OR2L2: variants seen among roughly 807,000 people sequenced by gnomAD.
OR2L2 encodes the protein olfactory receptor family 2 subfamily L member 2, also known as olfactory receptor 2L2.
For synonymous variants in OR2L2, 156 were observed against 135.4 expected (o/e 1.15, Z -1.06); for missense variants, 378 against 375.2 (o/e 1.01, Z -0.06).
intron 1 of OR2L2, among the ~76,000 whole-genome samples, chr1:248,034,318 A>G (rs1662697435): frequency 6.6e-6 from 1 of 152,246 alleles, no homozygotes; most frequent in African/African-American, 2.4e-5. Flanking sequence ...ATATGGAACC[A>G]AAAAGAGTCT....
intron 1 of OR2L2, among the ~76,000 whole-genome samples, chr1:248,031,852 A>G (rs993150993): frequency 6.6e-6 from 1 of 152,156 alleles, no homozygotes; most frequent in Non-Finnish European, 1.5e-5. Flanking sequence ...TAGGGTACTC[A>G]GTTATAATAT....
chr1:248,036,810 G>A (rs1662775285), intron 2 of OR2L2, among the ~76,000 whole-genome samples: 2 of 152,100 alleles, frequency 1.3e-5, no homozygotes. Context: ...TTTTGAAGAT[G>A]TAAAGTGATT....
chr1:248,038,703 G>C lies in OR2L2; in HGVS notation c.436G>C (p.Gly146Arg). 1.2e-6 allele frequency: 2 copies of C among 1,614,034 alleles called. No homozygotes were observed. The highest frequency in any genetic ancestry group is 1.7e-6 in the Non-Finnish European group (2 of 1,179,982). The stretch of plus-strand genomic sequence containing the variant: ...AAGAGTGTGTGTGATGATGATAACA[G>C]GATCTTGGATGATAAGCTCTATCAA... ...SKRVCVMMIT[G>R]SWMISSINSC... The change falls in exon 3 of 3, where the codon GGA (glycine) becomes CGA (arginine). Residue 146 changes from glycine to arginine, a missense_variant. Coordinates refer to ENST00000641771, the MANE Select transcript of OR2L2 (RefSeq NM_001385855.1).
At position 248,039,362 on chromosome 1, in the gene OR2L2, A is replaced by C. The variant is rs1159327292; in HGVS notation, c.*156A>C. 2 of 552,836 alleles carry C rather than the reference A, an allele frequency of 3.6e-6. No homozygotes were observed. Among genetic ancestry groups the C allele is most frequent in the Non-Finnish European group, 6.3e-6 (2 of 317,296 alleles). The allele number at this position is 552,836 out of a possible 1,614,324, so 34.2% of individuals were successfully genotyped here. ...TTTAGTCTTGACAATATTATAATAC[A>C]TATTAATACATATTCTAAGACATCT... On this transcript the variant is annotated 3_prime_UTR_variant, in exon 3 of 3. Coordinates refer to ENST00000641771, the MANE Select transcript of OR2L2 (RefSeq NM_001385855.1).
At chr1:248,031,587 G>A (rs985852601) in intron 1 of OR2L2, among the ~76,000 whole-genome samples, 13 of 152,106 alleles carry the variant, frequency 8.5e-5, no homozygotes, top group African/African-American at 2.4e-4. Flanking sequence ...CTATCCAATG[G>A]TCTGGCTGGC....
intron 1 of OR2L2, among the ~76,000 whole-genome samples, chr1:248,032,658 T>C (rs935881100): frequency 2.6e-5 from 4 of 152,218 alleles, no homozygotes; most frequent in Admixed American, 6.5e-5. Flanking sequence ...TCAAGTTTCA[T>C]CTATGTTGTA....
chr1:248,035,221 T>C (rs1041164099), intron 1 of OR2L2, among the ~76,000 whole-genome samples: 6 of 151,970 alleles, frequency 3.9e-5, no homozygotes, highest in Non-Finnish European at 8.8e-5. Context: ...GAGGCCGAGA[T>C]GGGCGGATCA....
At chr1:248,035,396 C>T (rs991569020) in intron 1 of OR2L2, among the ~76,000 whole-genome samples, 154 bp from the exon 2 acceptor site, 1 of 151,916 alleles carries the variant, frequency 6.6e-6, no homozygotes, top group Non-Finnish European at 1.5e-5. Flanking sequence ...TTGCAGTGAG[C>T]CGAGATCGCG....
intron 1 of OR2L2, among the ~76,000 whole-genome samples, chr1:248,031,313 G>A (rs938552917): frequency 5.3e-5 from 8 of 152,106 alleles, no homozygotes; most frequent in Admixed American, 1.3e-4. Flanking sequence ...ATGCTACATT[G>A]GTGTTCATGA....
intron 2 of OR2L2, among the ~76,000 whole-genome samples, chr1:248,037,486 A>T (rs1464353143): frequency 6.6e-6 from 1 of 152,190 alleles, no homozygotes; most frequent in African/African-American, 2.4e-5. Flanking sequence ...GGCATCAAAC[A>T]TTCATATCTT....
intron 2 of OR2L2, among the ~76,000 whole-genome samples, chr1:248,037,402 T>C (rs532512598): frequency 6.6e-6 from 1 of 152,280 alleles, no homozygotes; most frequent in East Asian, 1.9e-4. Flanking sequence ...CCATAGCATA[T>C]GCATTTAATT....
In OR2L2 at chr1:248,030,790, A is replaced by G. The variant is rs1293994742; in HGVS notation, c.-97+555A>G. ...GAGCTTTTTATTAGGATTAAAACCA[A>G]TGGAATCACGGAACAATCCTGACAT... On this transcript the variant is annotated intron_variant, in intron 1 of 2. Transcript: ENST00000641771. Among the ~76,000 whole-genome samples, 5 of 152,292 alleles carry G rather than the reference A, an allele frequency of 3.3e-5. No homozygotes were observed. The East Asian group carries it at 7.7e-4, about 23-fold the overall frequency.
In OR2L2 at chr1:248,038,658, T is replaced by C; in HGVS notation, c.391T>C (p.Tyr131His). The change falls in exon 3 of 3, where the codon TAT (tyrosine) becomes CAT (histidine). Residue 131 changes from tyrosine (Y) to histidine (H), a missense_variant. Tyr to His is a moderately conservative substitution (Grantham distance 83). Coordinates refer to ENST00000641771, the MANE Select transcript of OR2L2 (RefSeq NM_001385855.1). ...TGTGGCCATTTGCTTTCCTCTCCACTATCCCATCCGTATAAGCAAAAGAGT... is the reference window on the plus strand; with the variant it reads ...TGTGGCCATTTGCTTTCCTCTCCACCATCCCATCCGTATAAGCAAAAGAGT... ...RYVAICFPLH[Y>H]PIRISKRVCV... is the part of the protein sequence containing the mutation. 1 of 1,614,196 alleles carries C rather than the reference T, an allele frequency of 6.2e-7. No individual in the cohort carries two copies. The highest frequency in any genetic ancestry group is 8.5e-7 in the Non-Finnish European group (1 of 1,180,016).
rs1005915977 is a variant in OR2L2 at position 248,041,277 on chromosome 1, A to C, written c.*2071A>C. The C allele has an allele frequency of 1.2e-4, 19 of 152,284 alleles. No individual in the cohort carries two copies. Among genetic ancestry groups the C allele is most frequent in the Non-Finnish European group, 2.4e-4 (16 of 68,016 alleles). The allele number at this position is 152,284 out of a possible 1,614,324, so 9.4% of individuals were successfully genotyped here. ...ATGGGGAAAGGATTCCCTATTTAAT[A>C]AATGGTGCTGGGAAAACTGGCTAGC... On this transcript the variant is annotated 3_prime_UTR_variant, in exon 3 of 3. Transcript: ENST00000641771.
At chr1:248,038,128 A>G in intron 2 of OR2L2, 119 bp from the exon 3 acceptor site, 1 of 583,462 alleles carries the variant, frequency 1.7e-6, no homozygotes, top group Non-Finnish European at 3.1e-6. Flanking sequence ...ATATAAAAAT[A>G]GTTTATATAG....
chr1:248,034,899 G>A (rs1281032868), intron 1 of OR2L2, among the ~76,000 whole-genome samples: 1 of 152,150 alleles, frequency 6.6e-6, no homozygotes, highest in Non-Finnish European at 1.5e-5. Flanking sequence ...TGTTGATGTT[G>A]CATGCTGCAA....
intron 1 of OR2L2, among the ~76,000 whole-genome samples, chr1:248,032,622 G>T (rs1662649250): frequency 6.6e-6 from 1 of 152,026 alleles, no homozygotes; most frequent in African/African-American, 2.4e-5. Flanking sequence ...GCCTGTTTCT[G>T]GCTTATTTTG....
chr1:248,039,592 T>G lies in OR2L2; in HGVS notation c.*386T>G, dbSNP rs952188278. 6.2e-6 allele frequency: 1 copy of G among 160,938 alleles called. No individual in the cohort carries two copies. The highest frequency in any genetic ancestry group is 1.4e-5 in the Non-Finnish European group (1 of 72,958). The allele number at this position is 160,938 out of a possible 1,614,324, so 10.0% of individuals were successfully genotyped here. ...TGAGCCACCATGCCCTGCCTGTTTTTTTTTTAATCAAATATAGGTCATATA... is the reference window on the plus strand; with the variant it reads ...TGAGCCACCATGCCCTGCCTGTTTTGTTTTTAATCAAATATAGGTCATATA... On this transcript the variant is annotated 3_prime_UTR_variant, in exon 3 of 3. Coordinates refer to ENST00000641771, the MANE Select transcript of OR2L2 (RefSeq NM_001385855.1).
At chr1:248,032,126 A>G (rs558285627) in intron 1 of OR2L2, among the ~76,000 whole-genome samples, 2 of 152,238 alleles carry the variant, frequency 1.3e-5, no homozygotes, top group East Asian at 3.9e-4. Context: ...TCCAAATGAC[A>G]TGTATAAAAA....
Sources: allele counts gnomAD v4.1 joint callset (sites outside exome capture counted in the v4.1 genomes callset), GRCh38; gene constraint gnomAD v4.1.1; transcripts MANE v1.5; gene names NCBI Gene and HGNC (gene_info 2026-07-23, HGNC 2026-07-21).